Variants in PDZRN3 observed in about 807,000 individuals in gnomAD.
PDZRN3 encodes the protein PDZ domain containing ring finger 3.
Under a neutral mutation model 85.7 loss-of-function variants are expected in PDZRN3, and 38 were observed. The ratio of observed to expected loss-of-function variants is 0.44; its 90% CI spans 0.34 to 0.58. The LOEUF (loss-of-function observed/expected upper bound fraction) is 0.58. PDZRN3 is among the 20% of genes least tolerant of loss of function. PDZRN3 has a pLI of 0.01. For synonymous variants in PDZRN3, 759 were observed against 638.0 expected, an observed-to-expected ratio of 1.19 and a Z score of -2.86; for missense variants, 1,629 against 1,506.4, an observed-to-expected ratio of 1.08 and a Z score of -1.35.
At chr3:73,414,094 A>G (rs997567496) in intron 3 of PDZRN3, among the ~76,000 whole-genome samples, 3 of 152,220 alleles carry the variant, frequency 2.0e-5, no homozygotes, top group African/African-American at 7.2e-5. Flanking sequence ...AAAAAATAGT[A>G]CAGTTAAGAC....
At chr3:73,474,370 G>T in intron 3 of PDZRN3, 1 of 728,156 alleles carries the variant, frequency 1.4e-6, no homozygotes, top group Non-Finnish European at 2.0e-6. Context: ...AAAGCAAACT[G>T]CTATCGGTGG....
chr3:73,410,139 T>C (rs1482620931), intron 3 of PDZRN3, among the ~76,000 whole-genome samples: 1 of 152,208 alleles, frequency 6.6e-6, no homozygotes, highest in Non-Finnish European at 1.5e-5. Context: ...GATAATACAC[T>C]ATATACTGAA....
intron 3 of PDZRN3, among the ~76,000 whole-genome samples, chr3:73,460,770 C>A (rs1167256583): frequency 6.6e-6 from 1 of 152,028 alleles, no homozygotes; most frequent in Non-Finnish European, 1.5e-5. Context: ...TATGATGAGG[C>A]AGAAACACAG....
intron 3 of PDZRN3, among the ~76,000 whole-genome samples, chr3:73,461,347 T>C (rs1431995622): frequency 6.6e-6 from 1 of 152,238 alleles, no homozygotes; most frequent in Non-Finnish European, 1.5e-5. Flanking sequence ...TTCAGGAAGC[T>C]ATGTAAACAT....
chr3:73,387,075 T>G (rs964247519), intron 8 of PDZRN3, among the ~76,000 whole-genome samples: 6 of 152,212 alleles, frequency 3.9e-5, no homozygotes, highest in African/African-American at 1.4e-4. Context: ...GTTTGCTTGG[T>G]TCTCATCTCT....
In PDZRN3 at chr3:73,519,476, C is replaced by T. The variant is rs1380218435; in HGVS notation, c.918+82878G>A. Among the ~76,000 whole-genome samples, 3 of 152,220 alleles carry T rather than the reference C, an allele frequency of 2.0e-5. No homozygotes were observed. The South Asian group carries it at 6.2e-4, about 32-fold the overall frequency. On this transcript the variant is annotated intron_variant, in intron 3 of 9. Coordinates refer to ENST00000263666, the MANE Select transcript of PDZRN3 (RefSeq NM_015009.3). ...GAGAAAGAAGGAACTTTAGACTAAT[C>T]TGTACTGTTTCAAGTTCTTCCACAA...
At chr3:73,443,131 A>G (rs4677283) in intron 3 of PDZRN3, among the ~76,000 whole-genome samples, 122,383 of 152,130 alleles carry the variant, frequency 0.8, 49,853 homozygotes, top group East Asian at 0.91. Context: ...CTCACCTCAT[A>G]CCTTCCACCT....
At chr3:73,531,175 C>T (rs1003303944) in intron 3 of PDZRN3, among the ~76,000 whole-genome samples, 9 of 141,674 alleles carry the variant, frequency 6.4e-5, no homozygotes, top group African/African-American at 1.1e-4. Context: ...GGCATGAACC[C>T]GGGAGGCGGA....
chr3:73,388,372 G>GCTCTGC (rs1333905631), intron 7 of PDZRN3, among the ~76,000 whole-genome samples: 7 of 152,122 alleles, frequency 4.6e-5, no homozygotes, highest in African/African-American at 1.7e-4. Flanking sequence ...AAATCATAAT[G>GCTCTGC]CTCTGCAGAG....
At chr3:73,488,123 T>C (rs1396732197) in intron 3 of PDZRN3, among the ~76,000 whole-genome samples, 1 of 152,162 alleles carries the variant, frequency 6.6e-6, no homozygotes, top group Non-Finnish European at 1.5e-5. Context: ...CCAGCACAGG[T>C]CTGATAGCTA....
At chr3:73,595,839 A>C (rs1034429195) in intron 3 of PDZRN3, among the ~76,000 whole-genome samples, 1 of 152,212 alleles carries the variant, frequency 6.6e-6, no homozygotes, top group Non-Finnish European at 1.5e-5. Context: ...GCAGAAAGAC[A>C]GATGTATATG....
At chr3:73,612,354 C>T (rs1702697732) in intron 1 of PDZRN3, among the ~76,000 whole-genome samples, 1 of 152,212 alleles carries the variant, frequency 6.6e-6, no homozygotes, top group South Asian at 2.1e-4. Flanking sequence ...TAAATGTTTG[C>T]ACCCTGTTCT....
At chr3:73,565,423 C>T (rs973485794) in intron 3 of PDZRN3, among the ~76,000 whole-genome samples, 2 of 152,044 alleles carry the variant, frequency 1.3e-5, no homozygotes, top group African/African-American at 2.4e-5. Context: ...CCACCATACC[C>T]GGCCTATATC....
chr3:73,493,862 G>A (rs1371751766), intron 3 of PDZRN3, among the ~76,000 whole-genome samples: 1 of 152,192 alleles, frequency 6.6e-6, no homozygotes, highest in Non-Finnish European at 1.5e-5. Context: ...GGATTGCTGG[G>A]CTGTGACAGG....
At chr3:73,492,153 C>T (rs964408913) in intron 3 of PDZRN3, among the ~76,000 whole-genome samples, 5 of 152,202 alleles carry the variant, frequency 3.3e-5, no homozygotes, top group African/African-American at 1.2e-4. Flanking sequence ...GCATATCAGG[C>T]CCCCAAACCA....
At chr3:73,614,563 G>A (rs1002429658) in intron 1 of PDZRN3, among the ~76,000 whole-genome samples, 6 of 152,280 alleles carry the variant, frequency 3.9e-5, no homozygotes, top group East Asian at 1.9e-4. Context: ...CTGACTGACC[G>A]CTAGTCTGTG....
chr3:73,495,054 C>T (rs4286381), intron 3 of PDZRN3, among the ~76,000 whole-genome samples: 41,464 of 152,054 alleles, frequency 0.27, 7,983 homozygotes, highest in African/African-American at 0.55. Flanking sequence ...TGCTGGAAAA[C>T]TGCCTATGGG....
intron 3 of PDZRN3, among the ~76,000 whole-genome samples, chr3:73,601,864 T>C (rs1052906579): frequency 2.0e-5 from 3 of 149,896 alleles, no homozygotes; most frequent in Non-Finnish European, 4.4e-5. Context: ...GCAATCAGGT[T>C]GTACAACTAA....
intron 1 of PDZRN3, among the ~76,000 whole-genome samples, chr3:73,621,183 T>C (rs771906173): frequency 3.9e-5 from 6 of 152,160 alleles, no homozygotes; most frequent in Admixed American, 2.0e-4. Context: ...GAATCCTTAA[T>C]ATAGCTCACA....
Sources: allele counts gnomAD v4.1 joint callset (sites outside exome capture counted in the v4.1 genomes callset), GRCh38; gene constraint gnomAD v4.1.1; transcripts MANE v1.5; gene names NCBI Gene and HGNC (gene_info 2026-07-23, HGNC 2026-07-21).